WWOX: variants seen among roughly 807,000 people sequenced by gnomAD.
WWOX encodes WW domain-containing oxidoreductase.
Under a neutral mutation model 46.2 loss-of-function variants are expected in WWOX, and 69 were observed. The observed-to-expected ratio is 1.49, with a 90% CI of 1.23 to 1.82. The LOEUF (loss-of-function observed/expected upper bound fraction) is 1.82, where lower values mean the gene tolerates loss of function less well. Ranked by LOEUF, WWOX falls within the 40% of genes most tolerant of loss-of-function variation. The probability of loss-of-function intolerance (pLI) is 0.00; values close to 1 mark genes in which losing one functional copy is unlikely to be tolerated. For missense variants in WWOX, 919 were observed against 542.6 expected (o/e 1.69, Z -6.89); for synonymous variants, 359 against 202.6 (o/e 1.77, Z -6.56).
intron 8 of WWOX, among the ~76,000 whole-genome samples, chr16:78,514,651 AAT>A (rs1362855545): frequency 6.6e-6 from 1 of 152,230 alleles, no homozygotes; most frequent in African/African-American, 2.4e-5. Context: ...GCATTTAAAA[AAT>A]GCATTTAGTG....
At chr16:78,234,211 C>A (rs768684018) in intron 5 of WWOX, among the ~76,000 whole-genome samples, 10 of 151,860 alleles carry the variant, frequency 6.6e-5, no homozygotes, top group African/African-American at 2.2e-4. Flanking sequence ...TAATATACAG[C>A]CTTTATAAAT....
At chr16:79,202,373 G>T (rs558116768) in intron 8 of WWOX, among the ~76,000 whole-genome samples, 2 of 152,124 alleles carry the variant, frequency 1.3e-5, no homozygotes, top group Non-Finnish European at 2.9e-5. Context: ...TAAGGCACAC[G>T]GTAAAGGAAC....
At chr16:78,111,263 G>A (rs60384461) in intron 3 of WWOX, among the ~76,000 whole-genome samples, 3,066 of 152,242 alleles carry the variant, frequency 0.02, 119 homozygotes, top group African/African-American at 0.071. Context: ...AATAAAGAAA[G>A]TAGTTAGAAT....
intron 8 of WWOX, among the ~76,000 whole-genome samples, chr16:78,762,152 A>T (rs1384717178): frequency 6.6e-6 from 1 of 152,206 alleles, no homozygotes; most frequent in Non-Finnish European, 1.5e-5. Flanking sequence ...AGATTAGGAA[A>T]CCAAGGTCAA....
chr16:78,593,027 C>T (rs2045387790), intron 8 of WWOX, among the ~76,000 whole-genome samples: 1 of 152,168 alleles, frequency 6.6e-6, no homozygotes, highest in Admixed American at 6.5e-5. Context: ...GAAAGTACAG[C>T]CTTCAGTCCT....
intron 8 of WWOX, among the ~76,000 whole-genome samples, chr16:78,988,898 A>C (rs2046831801): frequency 6.6e-6 from 1 of 152,174 alleles, no homozygotes; most frequent in Non-Finnish European, 1.5e-5. Flanking sequence ...GTGGGCAGTC[A>C]GGCAAAGCAG....
chr16:78,187,976 G>T (rs532140498), intron 5 of WWOX, among the ~76,000 whole-genome samples: 45 of 152,308 alleles, frequency 3.0e-4, no homozygotes, highest in African/African-American at 9.1e-4. Flanking sequence ...TGCATTCCAA[G>T]AATTTAATTA....
chr16:78,509,911 G>T (rs1036859816), intron 8 of WWOX, among the ~76,000 whole-genome samples: 1 of 136,808 alleles, frequency 7.3e-6, no homozygotes, highest in African/African-American at 2.7e-5. Flanking sequence ...AACATAGTGA[G>T]ACCTCATCTC....
At chr16:79,019,188 A>AAAAAAAAAAAAAAAAAAG (rs2047480961) in intron 8 of WWOX, among the ~76,000 whole-genome samples, 1 of 60,930 alleles carries the variant, frequency 1.6e-5, no homozygotes, top group African/African-American at 6.0e-5. Context: ...AAAAAAAAGA[A>AAAAAAAAAAAAAAAAAAG]AAAAAAAAGT....
At chr16:79,024,349 C>T (rs1006549983) in intron 8 of WWOX, among the ~76,000 whole-genome samples, 13 of 152,124 alleles carry the variant, frequency 8.5e-5, no homozygotes, top group African/African-American at 3.1e-4. Context: ...GCCTCAAACT[C>T]CTAAGGTGAA....
At chr16:78,528,094 G>C (rs1226556091) in intron 8 of WWOX, among the ~76,000 whole-genome samples, 2 of 141,730 alleles carry the variant, frequency 1.4e-5, no homozygotes, top group African/African-American at 5.3e-5. Context: ...TGCCTCCTGG[G>C]TTCGTGCCAT....
chr16:78,457,821 C>A (rs2083855866), intron 8 of WWOX, among the ~76,000 whole-genome samples: 1 of 148,162 alleles, frequency 6.7e-6, no homozygotes, highest in South Asian at 2.1e-4. Flanking sequence ...GAGGCTGAGG[C>A]AGGAGAATGG....
In WWOX at chr16:78,346,618, AT is replaced by A. The variant is rs1441055970; in HGVS notation, c.517-40233del. 1.7e-4 allele frequency among the ~76,000 whole-genome samples: 20 copies of A among 119,566 alleles called. 5 individuals carry two copies. Among genetic ancestry groups the A allele is most frequent in the Middle Eastern group, 7.5e-3 (2 of 266 alleles). 78.4% of individuals were successfully genotyped at this position (119,566 alleles called of 152,430 possible). ...GGTACATAGTGGTATTTTGTTGTAT[AT>A]TTTTTTTTAATTGTGAAATATGTGA... On this transcript the variant is annotated intron_variant, in intron 5 of 8. Coordinates refer to ENST00000566780, the MANE Select transcript of WWOX (RefSeq NM_016373.4).
chr16:78,553,337 A>AGG (rs1053994206), intron 8 of WWOX: 2 of 152,230 alleles, frequency 1.3e-5, no homozygotes, highest in Non-Finnish European at 2.9e-5. Context: ...GGGGCCAGGC[A>AGG]GGGTAAGCAG....
At chr16:78,862,296 C>A (rs1255075173) in intron 8 of WWOX, among the ~76,000 whole-genome samples, 1 of 151,200 alleles carries the variant, frequency 6.6e-6, no homozygotes, top group Admixed American at 6.6e-5. Context: ...CTTTCTGTAT[C>A]TATACACACC....
At chr16:78,398,482 T>C (rs1054877051) in intron 6 of WWOX, among the ~76,000 whole-genome samples, 1 of 152,212 alleles carries the variant, frequency 6.6e-6, no homozygotes, top group African/African-American at 2.4e-5. Flanking sequence ...GGATTGCTTG[T>C]GTCACGTCCT....
chr16:78,405,213 A>G (rs947716568), intron 6 of WWOX, among the ~76,000 whole-genome samples: 1 of 152,178 alleles, frequency 6.6e-6, no homozygotes, highest in African/African-American at 2.4e-5. Flanking sequence ...AGAAGTTGCA[A>G]ATGGTGCATG....
intron 8 of WWOX, among the ~76,000 whole-genome samples, chr16:79,051,554 A>G (rs932369715): frequency 7.3e-5 from 8 of 109,836 alleles, no homozygotes; most frequent in South Asian, 3.3e-4. Context: ...GCTGGGAAAT[A>G]TAGTTTGCTG....
intron 8 of WWOX, among the ~76,000 whole-genome samples, chr16:79,066,318 C>T (rs1394684234): frequency 6.6e-6 from 1 of 152,160 alleles, no homozygotes; most frequent in Non-Finnish European, 1.5e-5. Context: ...GCAGTACCTG[C>T]TTTACTCATG....
Sources: gnomAD v4.1 joint callset for allele counts (sites outside exome capture counted in the v4.1 genomes callset) on GRCh38, gnomAD v4.1.1 for gene constraint, MANE v1.5 for transcripts, NCBI Gene and HGNC (gene_info 2026-07-23, HGNC 2026-07-21) for gene names.